KAT2B: variants seen among roughly 807,000 people sequenced by gnomAD.
KAT2B encodes the protein histone acetyltransferase KAT2B.
KAT2B carries 36 observed loss-of-function variants against 105.9 expected under a neutral mutation model. The ratio of observed to expected loss-of-function variants is 0.34; its 90% CI spans 0.26 to 0.45. The LOEUF is 0.45. Ranked by LOEUF, KAT2B falls within the 20% of genes least tolerant of loss-of-function variation. The probability of loss-of-function intolerance (pLI) is 1.00; values close to 1 mark genes in which losing one functional copy is unlikely to be tolerated. For missense variants in KAT2B, 820 were observed against 1,021.6 expected, an observed-to-expected ratio of 0.80 and a Z score of 2.69; for synonymous variants, 397 against 377.9, an observed-to-expected ratio of 1.05 and a Z score of -0.59.
At chr3:20,073,387 A>G (rs139282755) in intron 2 of KAT2B, among the ~76,000 whole-genome samples, 3 of 152,270 alleles carry the variant, frequency 2.0e-5, no homozygotes, top group Non-Finnish European at 2.9e-5. Flanking sequence ...ATTTCTCTAG[A>G]GCTTCCTGCT....
At chr3:20,090,816 C>T (rs1201363571) in intron 2 of KAT2B, among the ~76,000 whole-genome samples, 1 of 152,066 alleles carries the variant, frequency 6.6e-6, no homozygotes, top group Non-Finnish European at 1.5e-5. Flanking sequence ...GTCACTGCAA[C>T]CTCAATCTTG....
At position 20,062,123 on chromosome 3, in the gene KAT2B, T is replaced by TATTATATATTATATAAAAC. The variant is rs1559514117; in HGVS notation, c.304-10208_304-10207insTATATATTATATAAAACAT. Among the ~76,000 whole-genome samples, 137 of 82,964 alleles carry TATTATATATTATATAAAAC rather than the reference T, an allele frequency of 1.7e-3. 3 individuals carry two copies. The highest frequency in any genetic ancestry group is 1.9e-3 in the Non-Finnish European group (97 of 50,904). The allele number at this position is 82,964 out of a possible 152,430, so 54.4% of individuals were successfully genotyped here. On this transcript the variant is annotated intron_variant, in intron 1 of 17. Transcript: ENST00000263754. ...CATATAATATATATTATATAAAACATATATATATAAAATATATAATATATA... is the reference window on the plus strand; with the variant it reads ...CATATAATATATATTATATAAAACATATTATATATTATATAAAACATATATATAAAATATATAATATATA...
intron 11 of KAT2B, 136 bp downstream of exon 11, chr3:20,127,685 T>A: frequency 1.3e-6 from 1 of 786,076 alleles, no homozygotes; most frequent in Non-Finnish European, 2.0e-6. Context: ...CTGGGAATAG[T>A]CCTCTCACTC....
intron 6 of KAT2B, among the ~76,000 whole-genome samples, chr3:20,112,210 A>T (rs1699134046): frequency 6.7e-6 from 1 of 148,600 alleles, no homozygotes; most frequent in Non-Finnish European, 1.5e-5. Context: ...TTTTCCAAGC[A>T]CTGGTGAACC....
At chr3:20,140,149 C>A in intron 12 of KAT2B, 72 bp from the exon 13 acceptor site, 2 of 977,348 alleles carry the variant, frequency 2.0e-6, no homozygotes, top group Non-Finnish European at 3.2e-6. Context: ...CACACAGTGC[C>A]TGGAACATAG....
intron 11 of KAT2B, among the ~76,000 whole-genome samples, chr3:20,132,521 G>A (rs1277689211): frequency 6.6e-6 from 1 of 152,184 alleles, no homozygotes; most frequent in Non-Finnish European, 1.5e-5. Context: ...AAATAAAGGT[G>A]TACAAACAAG....
intron 4 of KAT2B, among the ~76,000 whole-genome samples, chr3:20,100,450 G>A (rs1171322402): frequency 1.3e-5 from 2 of 152,144 alleles, no homozygotes; most frequent in Admixed American, 1.3e-4. Flanking sequence ...GTTTTACTCA[G>A]GGAATCTGTT....
In KAT2B at chr3:20,153,558, A is replaced by G. The variant is rs10510499; in HGVS notation, c.*1033A>G. On this transcript the variant is annotated 3_prime_UTR_variant, in exon 18 of 18. Transcript: ENST00000263754. ...CAGGGTTTGCTGTCAGTATTTTAAC[A>G]CCCACATTAGTATATGCGTCCAGGG... 7,971 of 152,656 alleles carry G rather than the reference A, an allele frequency of 0.052. 280 individuals carry two copies. The highest frequency in any genetic ancestry group is 0.076 in the Non-Finnish European group (5,150 of 67,978). The allele number at this position is 152,656 out of a possible 1,614,324, so 9.5% of individuals were successfully genotyped here.
intron 1 of KAT2B, among the ~76,000 whole-genome samples, chr3:20,068,930 G>A (rs955504116): frequency 3.3e-5 from 5 of 152,292 alleles, no homozygotes; most frequent in African/African-American, 1.2e-4. Flanking sequence ...GGCTTAGGGA[G>A]TTCCTGGAAG....
Position 20,106,794 on chromosome 3 carries a change from C to T in KAT2B, c.852-4802C>T, listed in dbSNP as rs547387250. ...ATAATGTCAGTCTTAGAGCCTTAGA[C>T]GTTTGCAGATCTCTCCTCAGATGGA... On this transcript the variant is annotated intron_variant, in intron 5 of 17. Transcript: ENST00000263754. Among the ~76,000 whole-genome samples the T allele has an allele frequency of 6.0e-5, 9 of 150,922 alleles. No homozygotes were observed. In the South Asian group the frequency reaches 1.0e-3, roughly 18 times the overall value.
chr3:20,107,457 AG>A (rs1233442123), intron 5 of KAT2B, among the ~76,000 whole-genome samples: 1 of 151,404 alleles, frequency 6.6e-6, no homozygotes, highest in Admixed American at 6.6e-5. Context: ...CAGGAGTTCA[AG>A]ACCAGCCTGG....
chr3:20,112,407 T>C (rs1275394089), intron 6 of KAT2B, among the ~76,000 whole-genome samples: 1 of 152,190 alleles, frequency 6.6e-6, no homozygotes, highest in South Asian at 2.1e-4. Flanking sequence ...TAAATGATCA[T>C]TTAAATATTT....
At chr3:20,080,763 A>G (rs1429655716) in intron 2 of KAT2B, among the ~76,000 whole-genome samples, 1 of 152,252 alleles carries the variant, frequency 6.6e-6, no homozygotes, top group Non-Finnish European at 1.5e-5. Flanking sequence ...CGTGAAATGC[A>G]CACAGGTTTT....
chr3:20,041,305 G>T (rs1435620541), intron 1 of KAT2B, among the ~76,000 whole-genome samples: 1 of 152,148 alleles, frequency 6.6e-6, no homozygotes, highest in African/African-American at 2.4e-5. Flanking sequence ...GGGGTGGGAA[G>T]GTGGGCAGAG....
At chr3:20,142,844 G>A (rs868253637) in intron 13 of KAT2B, among the ~76,000 whole-genome samples, 3 of 152,134 alleles carry the variant, frequency 2.0e-5, no homozygotes, top group African/African-American at 4.8e-5. Context: ...TTGAGAAAGC[G>A]CGAATAGGCT....
Position 20,149,495 on chromosome 3 carries a change from CAAAAAAAAAAAA to C in KAT2B, c.2305+1022_2305+1033del, listed in dbSNP as rs56091316. Among the ~76,000 whole-genome samples the C allele has an allele frequency of 5.2e-3, 222 of 42,446 alleles. 7 individuals are homozygous for C. The highest frequency in any genetic ancestry group is 0.026 in the African/African-American group (200 of 7,704). 27.8% of individuals were successfully genotyped at this position (42,446 alleles called of 152,430 possible). A position where few individuals can be genotyped will look rare whatever the true frequency, so the allele number is the denominator to read the frequency against. ...TGGGCACTGGAGGGAGACCGTATCTCAAAAAAAAAAAAAAAAAAAAAAAAATTGTGGAAGTGT... is the reference window on the plus strand; with the variant it reads ...TGGGCACTGGAGGGAGACCGTATCTCAAAAAAAAAAAAATTGTGGAAGTGT... On this transcript the variant is annotated intron_variant, in intron 17 of 17. Coordinates refer to ENST00000263754, the MANE Select transcript of KAT2B (RefSeq NM_003884.5).
At chr3:20,085,897 A>G (rs1698605648) in intron 2 of KAT2B, among the ~76,000 whole-genome samples, 2 of 152,242 alleles carry the variant, frequency 1.3e-5, no homozygotes, top group African/African-American at 4.8e-5. Flanking sequence ...TAATGTAATA[A>G]TACAGTGTTG....
Position 20,040,603 on chromosome 3 carries a change from C to G in KAT2B, c.126C>G (p.Cys42Trp). Residue 42 changes from cysteine to tryptophan, a missense_variant, in exon 1 of 18, where the codon TGC becomes TGG. By Grantham distance (215) the Cys-to-Trp change is radical. Around this residue, in one of 6 missense-constraint regions of KAT2B, gnomAD observed 190 missense variants for 176.7 expected, o/e 1.08. Coordinates refer to ENST00000263754, the MANE Select transcript of KAT2B (RefSeq NM_003884.5). The part of the protein sequence containing the change: ...LPPAPPQGSP[C>W]AAAAGGSGAC... ...CCGCGCCCCCGCAGGGCTCCCCCTGCGCCGCTGCCGCCGGGGGCTCGGGCG... is the reference window on the plus strand; with the variant it reads ...CCGCGCCCCCGCAGGGCTCCCCCTGGGCCGCTGCCGCCGGGGGCTCGGGCG... 7.7e-7 allele frequency: 1 copy of G among 1,293,826 alleles called. No individual in the cohort carries two copies. Among genetic ancestry groups the G allele is most frequent in the Non-Finnish European group, 9.8e-7 (1 of 1,023,140 alleles). The allele number at this position is 1,293,826 out of a possible 1,614,324, so 80.1% of individuals were successfully genotyped here.
At position 20,107,672 on chromosome 3, in the gene KAT2B, A is replaced by C. The variant is rs867432076; in HGVS notation, c.852-3924A>C. Among the ~76,000 whole-genome samples, 14 of 149,762 alleles carry C rather than the reference A, an allele frequency of 9.3e-5. No homozygotes were observed. In the South Asian group the frequency reaches 2.1e-3, roughly 22 times the overall value. On this transcript the variant is annotated intron_variant, in intron 5 of 17. Transcript: ENST00000263754. ...ACTATGTCTCAAAAAAAAAAAAAAA[A>C]CCACAAAAACAAAAAACCCACAAAA...
Sources: allele counts gnomAD v4.1 joint callset (sites outside exome capture counted in the v4.1 genomes callset), GRCh38; gene constraint gnomAD v4.1.1; regional missense constraint gnomAD v4.1.1; transcripts MANE v1.5; gene names NCBI Gene and HGNC (gene_info 2026-07-23, HGNC 2026-07-21).